Variants in RYR3 observed in about 807,000 individuals in gnomAD.
RYR3 encodes ryanodine receptor 3.
RYR3 carries 207 observed loss-of-function variants against 584.3 expected under a neutral mutation model. The observed-to-expected ratio is 0.35, with a 90% confidence interval of 0.32 to 0.40. The LOEUF (loss-of-function observed/expected upper bound fraction) is 0.40, where lower values mean the gene tolerates loss of function less well. Ranked by LOEUF, RYR3 falls within the 10% of genes least tolerant of loss-of-function variation. The pLI, the probability that RYR3 is intolerant of heterozygous loss-of-function variation, is 1.00. For synonymous variants in RYR3, 2,416 were observed against 2,248.5 expected, an observed-to-expected ratio of 1.07 and a Z score of -2.11; for missense variants, 5,616 against 6,089.2, an observed-to-expected ratio of 0.92 and a Z score of 2.59.
At chr15:33,634,835 A>C (rs1483889692) in intron 25 of RYR3, 102 bp downstream of exon 25, 17 of 981,456 alleles carry the variant, frequency 1.7e-5, no homozygotes, top group Middle Eastern at 2.3e-4. Flanking sequence ...TATTGGAAAT[A>C]GTATTGGGGC....
intron 71 of RYR3, 41 bp downstream of exon 71, chr15:33,810,690 T>G (rs1168123155): frequency 1.9e-6 from 3 of 1,612,556 alleles, no homozygotes; most frequent in Non-Finnish European, 2.5e-6. Flanking sequence ...GTGATCCACA[T>G]GGTGCAGTGA....
intron 81 of RYR3, among the ~76,000 whole-genome samples, chr15:33,824,233 TATA>T (rs983646636): frequency 6.6e-6 from 1 of 152,226 alleles, no homozygotes; most frequent in Middle Eastern, 3.2e-3. Flanking sequence ...TAAACTCATT[TATA>T]ATGACAGCTT....
At chr15:33,781,221 C>G (rs2074362602) in intron 65 of RYR3, among the ~76,000 whole-genome samples, 1 of 152,156 alleles carries the variant, frequency 6.6e-6, no homozygotes, top group East Asian at 1.9e-4. Flanking sequence ...AATAGAGGAG[C>G]TTCAAGTAGG....
chr15:33,357,797 G>A (rs945690392), intron 1 of RYR3, among the ~76,000 whole-genome samples: 3 of 152,056 alleles, frequency 2.0e-5, no homozygotes, highest in Non-Finnish European at 4.4e-5. Context: ...AACATACAGG[G>A]TAATCTTCCC....
intron 2 of RYR3, among the ~76,000 whole-genome samples, chr15:33,477,938 A>G (rs1019728713): frequency 2.0e-5 from 3 of 150,876 alleles, no homozygotes; most frequent in Admixed American, 2.0e-4. Context: ...ACTCAGAAAA[A>G]AGAGAGAGGA....
At chr15:33,452,030 G>A (rs1023895915) in intron 1 of RYR3, among the ~76,000 whole-genome samples, 28 of 152,170 alleles carry the variant, frequency 1.8e-4, no homozygotes, top group Admixed American at 1.8e-3. Flanking sequence ...GCCCGGAAAG[G>A]GCCTCCATGC....
chr15:33,589,516 A>T (rs2059022766), intron 16 of RYR3, among the ~76,000 whole-genome samples: 1 of 152,110 alleles, frequency 6.6e-6, no homozygotes, highest in Admixed American at 6.5e-5. Context: ...CTGACGTCTT[A>T]GTCATAAATT....
intron 1 of RYR3, among the ~76,000 whole-genome samples, chr15:33,332,427 A>G (rs1209322754): frequency 6.6e-6 from 1 of 152,152 alleles, no homozygotes; most frequent in African/African-American, 2.4e-5. Context: ...TAAGCAATCA[A>G]CAAGGATATA....
chr15:33,520,378 T>C (rs1426921184), intron 3 of RYR3, among the ~76,000 whole-genome samples: 1 of 152,210 alleles, frequency 6.6e-6, no homozygotes. Flanking sequence ...ATTTGGTGAA[T>C]GGAAATAATT....
chr15:33,741,550 T>C (rs186649077), intron 51 of RYR3, among the ~76,000 whole-genome samples: 9 of 152,250 alleles, frequency 5.9e-5, no homozygotes, highest in Admixed American at 2.6e-4. Context: ...AAGAGCTGTT[T>C]TCTGGGAAAA....
chr15:33,380,094 C>T (rs1052316622), intron 1 of RYR3, among the ~76,000 whole-genome samples: 3 of 152,144 alleles, frequency 2.0e-5, no homozygotes, highest in Admixed American at 6.5e-5. Flanking sequence ...TCTTCCTCTC[C>T]CAGTTCACTG....
intron 1 of RYR3, among the ~76,000 whole-genome samples, chr15:33,436,229 CT>C (rs1046851068): frequency 6.6e-5 from 10 of 151,956 alleles, no homozygotes; most frequent in African/African-American, 2.4e-4. Flanking sequence ...TACTGATTTC[CT>C]TTTTTTTCAA....
intron 8 of RYR3, among the ~76,000 whole-genome samples, chr15:33,545,223 A>G (rs2056149255): frequency 2.0e-5 from 3 of 152,188 alleles, no homozygotes; most frequent in African/African-American, 7.2e-5. Context: ...CACACCTGTC[A>G]TCAAAATTAG....
intron 65 of RYR3, among the ~76,000 whole-genome samples, chr15:33,781,867 G>A (rs1209375082): frequency 6.6e-6 from 1 of 151,594 alleles, no homozygotes; most frequent in Non-Finnish European, 1.5e-5. Context: ...AAAGGGGGGG[G>A]GGATTTCCAA....
Position 33,623,869 on chromosome 15 carries a change from C to T in RYR3, c.2420C>T (p.Ala807Val), listed in dbSNP as rs964229276. ...AAGTTCCTGCCTCCCTCTGGCTATG[C>T]CCCTTGCTATGAAGCCTTACTTCCA... ...EFKFLPPSGY[A>V]PCYEALLPKE... The change falls in exon 20 of 104, where the codon GCC (alanine) becomes GTC (valine). Residue 807 changes from alanine (A) to valine (V), a missense_variant. By Grantham distance (64) the Ala-to-Val change is moderately conservative. Coordinates refer to ENST00000634891, the MANE Select transcript of RYR3 (RefSeq NM_001036.6). The T allele has an allele frequency of 7.4e-6, 12 of 1,613,656 alleles. No individual in the cohort carries two copies. The highest frequency in any genetic ancestry group is 8.5e-6 in the Non-Finnish European group (10 of 1,179,750).
intron 3 of RYR3, among the ~76,000 whole-genome samples, chr15:33,522,219 C>T (rs1220703134): frequency 6.6e-6 from 1 of 151,436 alleles, no homozygotes. Context: ...GCTGGGATTG[C>T]ACCACTGCAC....
chr15:33,367,636 G>A (rs1485433304), intron 1 of RYR3, among the ~76,000 whole-genome samples: 4 of 152,214 alleles, frequency 2.6e-5, no homozygotes, highest in Non-Finnish European at 4.4e-5. Context: ...TGTATACCAG[G>A]TGTGCTGGTA....
Position 33,539,353 on chromosome 15 carries a change from A to T in RYR3, c.437A>T (p.Glu146Val). 6.3e-7 allele frequency: 1 copy of T among 1,584,806 alleles called. No individual in the cohort carries two copies. The highest frequency in any genetic ancestry group is 8.6e-7 in the Non-Finnish European group (1 of 1,163,728). Residue 146 changes from glutamate to valine, a missense_variant, in exon 6 of 104, where the codon GAA becomes GTA. Transcript: ENST00000634891. Reference sequence around the variant, plus strand: ...AACTCAAGGAGCCTTCATGTAGGAGAAGCCTGTTGGTGGACTATACATCCT... The same window carrying T: ...AACTCAAGGAGCCTTCATGTAGGAGTAGCCTGTTGGTGGACTATACATCCT... ...DVGLREHATG[E>V]ACWWTIHPAS...
intron 88 of RYR3, among the ~76,000 whole-genome samples, chr15:33,837,331 G>A (rs1288050657): frequency 2.0e-5 from 3 of 152,070 alleles, no homozygotes; most frequent in Non-Finnish European, 4.4e-5. Context: ...GGTCTAAGGG[G>A]ATCAAAGGGA....
Sources: gnomAD v4.1 joint callset for allele counts (sites outside exome capture counted in the v4.1 genomes callset) on GRCh38, gnomAD v4.1.1 for gene constraint, MANE v1.5 for transcripts, NCBI Gene and HGNC (gene_info 2026-07-23, HGNC 2026-07-21) for gene names.